FANCC: variants seen among roughly 807,000 people sequenced by gnomAD.
FANCC encodes Fanconi anemia group C protein.
A neutral mutation model predicts 71.3 loss-of-function variants in FANCC; 55 were observed. The observed-to-expected ratio is 0.77, with a 90% CI of 0.62 to 0.97. FANCC has a LOEUF of 0.97. Ranked by LOEUF, FANCC falls within the 50% of genes least tolerant of loss-of-function variation. FANCC has a pLI of 0.00. For synonymous variants in FANCC, 275 were observed against 244.9 expected (o/e 1.12, Z -1.15); for missense variants, 678 against 670.9 (o/e 1.01, Z -0.12).
chr9:95,166,098 T>C (rs1831050626), intron 6 of FANCC, among the ~76,000 whole-genome samples: 1 of 152,080 alleles, frequency 6.6e-6, no homozygotes, highest in African/African-American at 2.4e-5. Context: ...TTTTCCATCT[T>C]TTCATTTTCA....
At chr9:95,300,513 C>T (rs1234348554) in intron 1 of FANCC, among the ~76,000 whole-genome samples, 1 of 151,228 alleles carries the variant, frequency 6.6e-6, no homozygotes, top group Non-Finnish European at 1.5e-5. Flanking sequence ...TGCAGTGGCA[C>T]GATCTCGGCT....
intron 1 of FANCC, among the ~76,000 whole-genome samples, chr9:95,315,385 C>T (rs1395525959): frequency 6.6e-6 from 1 of 152,144 alleles, no homozygotes; most frequent in Non-Finnish European, 1.5e-5. Context: ...TCACTATGGC[C>T]GGCTAATTTC....
intron 4 of FANCC, among the ~76,000 whole-genome samples, chr9:95,220,425 T>G (rs2061598593): frequency 6.6e-6 from 1 of 152,192 alleles, no homozygotes; most frequent in South Asian, 2.1e-4. Context: ...ACACGTATGT[T>G]TACCGCAGCA....
chr9:95,130,766 A>G (rs1481414984), intron 8 of FANCC, among the ~76,000 whole-genome samples: 1 of 152,154 alleles, frequency 6.6e-6, no homozygotes, highest in Non-Finnish European at 1.5e-5. Flanking sequence ...ACTACAAAAT[A>G]CCTTTCTTCT....
chr9:95,162,361 T>G (rs752026352), intron 6 of FANCC, among the ~76,000 whole-genome samples: 2 of 152,244 alleles, frequency 1.3e-5, no homozygotes, highest in Non-Finnish European at 1.5e-5. Context: ...CGTCCGCTGA[T>G]GGACACATAG....
intron 14 of FANCC, among the ~76,000 whole-genome samples, chr9:95,106,615 G>A (rs554635133): frequency 1.6e-4 from 24 of 152,280 alleles, no homozygotes; most frequent in African/African-American, 5.3e-4. Context: ...GCTTCAGGAA[G>A]GATTTCTTTG....
intron 1 of FANCC, among the ~76,000 whole-genome samples, chr9:95,250,025 A>G (rs181926569): frequency 6.6e-6 from 1 of 152,322 alleles, no homozygotes; most frequent in East Asian, 1.9e-4. Context: ...CTTACTGAGG[A>G]GGTATACTAG....
intron 14 of FANCC, 109 bp downstream of exon 14, chr9:95,106,957 C>T: frequency 1.9e-6 from 2 of 1,069,184 alleles, no homozygotes; most frequent in African/African-American, 1.6e-5. Flanking sequence ...CTGTGCTGGG[C>T]AGCATCCTGG....
At chr9:95,272,632 T>A (rs1002056456) in intron 1 of FANCC, among the ~76,000 whole-genome samples, 1 of 151,840 alleles carries the variant, frequency 6.6e-6, no homozygotes, top group East Asian at 1.9e-4. Context: ...GACGTGGAGG[T>A]TGCAGTGAGC....
chr9:95,271,639 G>C (rs1305483039), intron 1 of FANCC, among the ~76,000 whole-genome samples: 1 of 152,120 alleles, frequency 6.6e-6, no homozygotes, highest in Non-Finnish European at 1.5e-5. Flanking sequence ...TGCTATAACA[G>C]CTTCGGGAAA....
intron 1 of FANCC, chr9:95,292,459 G>T: frequency 2.4e-6 from 3 of 1,274,878 alleles, no homozygotes; most frequent in Non-Finnish European, 3.0e-6. Context: ...GTGCCCCCGG[G>T]ACCCCGACTG....
intron 4 of FANCC, among the ~76,000 whole-genome samples, chr9:95,191,367 C>T (rs1215868145): frequency 2.6e-5 from 3 of 115,370 alleles, no homozygotes; most frequent in Non-Finnish European, 4.9e-5. Flanking sequence ...CAGGGTCTCA[C>T]TGTTTCCCAG....
rs3030679 is a variant in FANCC, at chr9:95,247,212, C to CGTGT, written c.250+216_250+219dup. Reference sequence around the variant, plus strand: ...GAAGATCTGCATGGGTGCGTGCACGCGTGTGTGTGTGTGTGTGTGTGTGTT... The same window carrying CGTGT: ...GAAGATCTGCATGGGTGCGTGCACGCGTGTGTGTGTGTGTGTGTGTGTGTGTGTT... On this transcript the variant is annotated intron_variant, in intron 3 of 14. Transcript: ENST00000289081. Among the ~76,000 whole-genome samples the CGTGT allele has an allele frequency of 0.17, 25,448 of 149,502 alleles. 2,665 individuals are homozygous for CGTGT. The highest frequency in any genetic ancestry group is 0.3 in the East Asian group (1,540 of 5,054).
intron 4 of FANCC, among the ~76,000 whole-genome samples, chr9:95,196,046 G>A (rs190662065): frequency 1.3e-5 from 2 of 152,132 alleles, no homozygotes; most frequent in African/African-American, 4.8e-5. Flanking sequence ...CTATGTAAAC[G>A]ATTATATCAT....
chr9:95,190,886 G>A (rs1388017799), intron 4 of FANCC, among the ~76,000 whole-genome samples: 1 of 152,292 alleles, frequency 6.6e-6, no homozygotes, highest in Non-Finnish European at 1.5e-5. Context: ...TCTATGCTGA[G>A]GTCTTCTGTC....
intron 1 of FANCC, among the ~76,000 whole-genome samples, chr9:95,304,749 CAAAAAAAAAAAAAAAA>C (rs35105777): frequency 2.2e-5 from 1 of 44,486 alleles, no homozygotes; most frequent in Non-Finnish European, 4.4e-5. Context: ...GACTCTATCT[CAAAAAAAAAAAAAAAA>C]AAAAAAAAAA....
chr9:95,312,398 C>T (rs926582479), intron 1 of FANCC, among the ~76,000 whole-genome samples: 1 of 152,232 alleles, frequency 6.6e-6, no homozygotes, highest in African/African-American at 2.4e-5. Context: ...GGGTCTCACT[C>T]TGTTGCCCAG....
At chr9:95,106,039 C>A (rs2071421505) in intron 14 of FANCC, among the ~76,000 whole-genome samples, 1 of 152,220 alleles carries the variant, frequency 6.6e-6, no homozygotes, top group Admixed American at 6.5e-5. Context: ...TGAGGAACCA[C>A]CCCATTCTTC....
rs956557360 is a variant in FANCC, at chr9:95,101,087, C to T, written c.*620G>A. The stretch of plus-strand genomic sequence containing the variant: ...CCAAGGGCCTTTTGGTAGCAGTTAG[C>T]ATCATTTAGCAAATACAGAGTGGAA... On this transcript the variant is annotated 3_prime_UTR_variant, in exon 15 of 15. Coordinates refer to ENST00000289081, the MANE Select transcript of FANCC (RefSeq NM_000136.3). 2.5e-5 allele frequency: 6 copies of T among 236,000 alleles called. No homozygotes were observed. The highest frequency in any genetic ancestry group is 5.0e-5 in the Non-Finnish European group (6 of 119,790). 14.6% of individuals were successfully genotyped at this position (236,000 alleles called of 1,614,324 possible). A position where few individuals can be genotyped will look rare whatever the true frequency, so the allele number is the denominator to read the frequency against.
Sources: allele counts gnomAD v4.1 joint callset (sites outside exome capture counted in the v4.1 genomes callset), GRCh38; gene constraint gnomAD v4.1.1; transcripts MANE v1.5; gene names NCBI Gene and HGNC (gene_info 2026-07-23, HGNC 2026-07-21).